The following POFUT3 variants were observed in gnomAD, a reference collection of about 807,000 sequenced individuals.
POFUT3 encodes protein O-fucosyltransferase 3.
the POFUT3 span, chr8:33,372,839 A>G: frequency 1.3e-6 from 2 of 1,588,770 alleles, no homozygotes; most frequent in Admixed American, 1.7e-5. Flanking sequence ...AATTAAAAAC[A>G]TATGATAATG....
the POFUT3 span, among the ~76,000 whole-genome samples, chr8:33,468,239 CA>C: frequency 0.59 from 73,169 of 123,552 alleles, 20,046 homozygotes; most frequent in Non-Finnish European, 0.62. Context: ...AACTGTGTCT[CA>C]AAAAAAAAAA....
the POFUT3 span, among the ~76,000 whole-genome samples, chr8:33,443,083 G>A: frequency 1.9e-4 from 29 of 151,980 alleles, no homozygotes; most frequent in Non-Finnish European, 3.2e-4. Context: ...ACTGCACTGC[G>A]GCCTAGGTGA....
the POFUT3 span, among the ~76,000 whole-genome samples, chr8:33,376,154 T>G: frequency 6.6e-5 from 10 of 152,184 alleles, no homozygotes; most frequent in African/African-American, 2.4e-4. Context: ...CTGCTGTTTT[T>G]GTTAATTAAC....
the POFUT3 span, among the ~76,000 whole-genome samples, chr8:33,361,727 T>G: frequency 6.6e-6 from 1 of 152,192 alleles, no homozygotes; most frequent in Non-Finnish European, 1.5e-5. Context: ...TTAACAAATT[T>G]CAGGCAGTTT....
At chr8:33,349,071 G>A in the POFUT3 span, among the ~76,000 whole-genome samples, 2 of 152,358 alleles carry the variant, frequency 1.3e-5, no homozygotes, top group East Asian at 3.9e-4. Context: ...GATCCGTGGA[G>A]CCTAATGTAT....
chr8:33,459,467 C>A, the POFUT3 span, among the ~76,000 whole-genome samples: 1 of 150,852 alleles, frequency 6.6e-6, no homozygotes, highest in Non-Finnish European at 1.5e-5. Flanking sequence ...TGGTGAAACC[C>A]CATCTCTACA....
At chr8:33,423,087 G>T in the POFUT3 span, among the ~76,000 whole-genome samples, 8 of 152,040 alleles carry the variant, frequency 5.3e-5, no homozygotes, top group Non-Finnish European at 1.0e-4. Context: ...AAAGTGCCGG[G>T]ATTACAAGTG....
the POFUT3 span, among the ~76,000 whole-genome samples, chr8:33,394,007 C>T: frequency 1.3e-5 from 2 of 151,970 alleles, no homozygotes; most frequent in African/African-American, 4.8e-5. Flanking sequence ...CATAGTGAGA[C>T]CCTGTCCACA....
At chr8:33,430,500 T>TA in the POFUT3 span, among the ~76,000 whole-genome samples, 1 of 152,124 alleles carries the variant, frequency 6.6e-6, no homozygotes, top group Non-Finnish European at 1.5e-5. Flanking sequence ...AAAAAGGGAA[T>TA]ATGGACCACC....
chr8:33,393,829 G>C, the POFUT3 span, among the ~76,000 whole-genome samples: 1 of 152,174 alleles, frequency 6.6e-6, no homozygotes, highest in Non-Finnish European at 1.5e-5. Flanking sequence ...CGAATGATGT[G>C]GAAAGCCCAG....
At chr8:33,335,626 A>G in the POFUT3 span, among the ~76,000 whole-genome samples, 11 of 152,264 alleles carry the variant, frequency 7.2e-5, no homozygotes, top group Admixed American at 5.9e-4. Context: ...TCTGCCTATA[A>G]CTTTTGACTC....
At chr8:33,459,238 GC>G in the POFUT3 span, among the ~76,000 whole-genome samples, 1 of 152,078 alleles carries the variant, frequency 6.6e-6, no homozygotes, top group African/African-American at 2.4e-5. Flanking sequence ...TACTCAGGAG[GC>G]TGAGGCAGGA....
At chr8:33,382,708 G>A in the POFUT3 span, among the ~76,000 whole-genome samples, 6 of 152,276 alleles carry the variant, frequency 3.9e-5, no homozygotes, top group East Asian at 3.9e-4. Flanking sequence ...AGAAACTGAC[G>A]TTCTCCTACC....
the POFUT3 span, among the ~76,000 whole-genome samples, chr8:33,442,785 A>G: frequency 6.6e-6 from 1 of 152,194 alleles, no homozygotes; most frequent in Non-Finnish European, 1.5e-5. Context: ...CTATAGCTAT[A>G]ATACTCATTT....
the POFUT3 span, among the ~76,000 whole-genome samples, chr8:33,449,278 ATTTTTTTTTTTTTTTT>A: frequency 5.6e-5 from 3 of 53,718 alleles, no homozygotes; most frequent in Non-Finnish European, 9.3e-5. Flanking sequence ...ATCCGAGTTG[ATTTTTTTTTTTTTTTT>A]TTTTTTTTTT....
the POFUT3 span, among the ~76,000 whole-genome samples, chr8:33,345,009 TG>T: frequency 6.6e-6 from 1 of 152,202 alleles, no homozygotes; most frequent in Non-Finnish European, 1.5e-5. Context: ...AAAGATTGAA[TG>T]TGAAATTGTC....
the POFUT3 span, among the ~76,000 whole-genome samples, chr8:33,328,921 C>T: frequency 2.0e-5 from 3 of 152,128 alleles, no homozygotes; most frequent in Admixed American, 2.0e-4. Context: ...AGTAAAGACC[C>T]CTATACACTT....
chr8:33,339,928 G>A, the POFUT3 span, among the ~76,000 whole-genome samples: 1 of 152,050 alleles, frequency 6.6e-6, no homozygotes, highest in African/African-American at 2.4e-5. Context: ...ATTTTTAAAA[G>A]CGTTCTTAAA....
At chr8:33,356,527 T>C in the POFUT3 span, among the ~76,000 whole-genome samples, 1 of 152,086 alleles carries the variant, frequency 6.6e-6, no homozygotes, top group Non-Finnish European at 1.5e-5. Context: ...TTGTTTTTTT[T>C]TTCTTGTAAA....
Sources: gnomAD v4.1 joint callset for allele counts (sites outside exome capture counted in the v4.1 genomes callset) on GRCh38, gnomAD v4.1.1 for gene constraint, MANE v1.5 for transcripts, NCBI Gene and HGNC (gene_info 2026-07-23, HGNC 2026-07-21) for gene names.